TMEM108: variants seen among roughly 807,000 people sequenced by gnomAD.
TMEM108 encodes cancer/testis antigen 124.
A neutral mutation model predicts 35.1 loss-of-function variants in TMEM108; 12 were observed. The observed-to-expected ratio is 0.34, with a 90% CI of 0.22 to 0.55. The LOEUF (loss-of-function observed/expected upper bound fraction) is 0.55. Among genes scored for constraint, TMEM108 ranks in the 20% least tolerant of loss-of-function variants. TMEM108 has a pLI of 0.89. For missense variants in TMEM108, 680 were observed against 753.3 expected (o/e 0.90, Z 1.14); for synonymous variants, 287 against 308.6 (o/e 0.93, Z 0.73).
intron 3 of TMEM108, among the ~76,000 whole-genome samples, chr3:133,301,099 G>A (rs77760379): frequency 0.04 from 6,113 of 151,770 alleles, 384 homozygotes; most frequent in African/African-American, 0.13. Context: ...TTCACAGAGC[G>A]TGTAAGGAAC....
At chr3:133,138,109 A>G (rs1055229315) in intron 2 of TMEM108, among the ~76,000 whole-genome samples, 1 of 152,212 alleles carries the variant, frequency 6.6e-6, no homozygotes, top group Non-Finnish European at 1.5e-5. Context: ...GGACTTGTAG[A>G]TACCCAGCCA....
intron 3 of TMEM108, among the ~76,000 whole-genome samples, chr3:133,255,026 TG>T (rs1325750215): frequency 6.6e-6 from 1 of 152,218 alleles, no homozygotes; most frequent in East Asian, 1.9e-4. Flanking sequence ...GTATGTTAAT[TG>T]GTTCCCAGGG....
intron 2 of TMEM108, among the ~76,000 whole-genome samples, chr3:133,093,558 A>G (rs549358144): frequency 3.4e-4 from 52 of 152,294 alleles, no homozygotes; most frequent in African/African-American, 1.2e-3. Context: ...ATCTTCCATA[A>G]AAATAGAAGC....
Position 133,346,519 on chromosome 3 carries a change from TATTAA to T in TMEM108, c.41-33229_41-33225del, listed in dbSNP as rs2107758839. 6.6e-6 allele frequency among the ~76,000 whole-genome samples: 1 copy of T among 152,184 alleles called. No homozygotes were observed. The highest frequency in any genetic ancestry group is 1.9e-4 in the East Asian group (1 of 5,188). On this transcript the variant is annotated intron_variant, in intron 3 of 5. Transcript: ENST00000321871. The surrounding 1 kb of genome is among the most constrained non-coding windows in gnomAD (Gnocchi z 4.0). Reference sequence around the variant, plus strand: ...CCCAATTTTTAATTGAATTTTCTTATATTAAATTTTAAGAGAGATTTGTATATTTT... The same window carrying T: ...CCCAATTTTTAATTGAATTTTCTTATATTTTAAGAGAGATTTGTATATTTT...
intron 2 of TMEM108, among the ~76,000 whole-genome samples, chr3:133,110,139 A>G (rs772229123): frequency 7.9e-5 from 12 of 152,134 alleles, no homozygotes; most frequent in Non-Finnish European, 1.6e-4. Context: ...AATCAGATGA[A>G]CAAGCAGACA....
At chr3:133,195,738 G>A (rs1945566067) in intron 2 of TMEM108, among the ~76,000 whole-genome samples, 1 of 152,216 alleles carries the variant, frequency 6.6e-6, no homozygotes, top group Non-Finnish European at 1.5e-5. Context: ...CCAGGAAGCA[G>A]TGTTGTTATG....
chr3:133,162,229 AG>A (rs1388305139), intron 2 of TMEM108, among the ~76,000 whole-genome samples: 56 of 152,240 alleles, frequency 3.7e-4, no homozygotes, highest in Non-Finnish European at 1.5e-5. Flanking sequence ...CCAGAATAGA[AG>A]GAGATCTCTA....
chr3:133,306,731 T>C (rs1018480074), intron 3 of TMEM108, among the ~76,000 whole-genome samples: 6 of 152,156 alleles, frequency 3.9e-5, no homozygotes, highest in Admixed American at 3.3e-4. Flanking sequence ...TATTCCATGG[T>C]GTATATGTGC....
intron 3 of TMEM108, among the ~76,000 whole-genome samples, chr3:133,262,489 T>C (rs1002156427): frequency 1.2e-4 from 18 of 152,222 alleles, no homozygotes; most frequent in African/African-American, 4.3e-4. Context: ...TACCAGACGT[T>C]ACCATAGTGA....
chr3:133,263,836 C>G (rs560300024), intron 3 of TMEM108, among the ~76,000 whole-genome samples: 5 of 152,276 alleles, frequency 3.3e-5, no homozygotes, highest in African/African-American at 1.2e-4. Flanking sequence ...ACATCCAGTT[C>G]AGAAATAATT....
intron 3 of TMEM108, among the ~76,000 whole-genome samples, chr3:133,351,573 A>G (rs1378850472): frequency 6.6e-6 from 1 of 152,136 alleles, no homozygotes; most frequent in Non-Finnish European, 1.5e-5. Context: ...GGATGAGATG[A>G]TGATACTCTA....
intron 2 of TMEM108, among the ~76,000 whole-genome samples, chr3:133,157,313 A>G (rs1040324679): frequency 2.0e-5 from 3 of 152,222 alleles, no homozygotes; most frequent in African/African-American, 7.2e-5. Context: ...TCTATTTTTC[A>G]AAAGTTTAAT....
intron 2 of TMEM108, among the ~76,000 whole-genome samples, chr3:133,063,711 T>C (rs751358084): frequency 1.2e-4 from 18 of 152,098 alleles, no homozygotes; most frequent in Non-Finnish European, 2.2e-4. Context: ...CCCAAGGCTA[T>C]TGATTTATAG....
At chr3:133,164,654 A>G (rs909480617) in intron 2 of TMEM108, among the ~76,000 whole-genome samples, 1 of 152,144 alleles carries the variant, frequency 6.6e-6, no homozygotes, top group Non-Finnish European at 1.5e-5. Context: ...GGCACTGCTG[A>G]CACAGTGGTG....
intron 2 of TMEM108, among the ~76,000 whole-genome samples, chr3:133,197,212 A>T (rs1945591369): frequency 1.3e-5 from 2 of 152,190 alleles, no homozygotes; most frequent in Non-Finnish European, 2.9e-5. Context: ...AATAGGAAAC[A>T]TTTTAGTACA....
intron 2 of TMEM108, among the ~76,000 whole-genome samples, chr3:133,085,612 A>G (rs1198725655): frequency 2.0e-5 from 3 of 152,182 alleles, no homozygotes; most frequent in African/African-American, 7.2e-5. Flanking sequence ...TTTGGCCACC[A>G]GAAGCCTCTT....
At chr3:133,047,381 T>A (rs1236524765) in intron 2 of TMEM108, among the ~76,000 whole-genome samples, 1 of 152,244 alleles carries the variant, frequency 6.6e-6, no homozygotes, top group African/African-American at 2.4e-5. Context: ...ACTTGGCTGG[T>A]ATGTTGCTGT....
intron 2 of TMEM108, among the ~76,000 whole-genome samples, chr3:133,057,445 A>ATATATATATATATATGTGTG (rs1943481709): frequency 4.4e-5 from 1 of 22,490 alleles, no homozygotes; most frequent in Non-Finnish European, 1.0e-4. Context: ...GTATATATAT[A>ATATATATATATATATGTGTG]TATATATATA....
intron 5 of TMEM108, among the ~76,000 whole-genome samples, chr3:133,393,615 T>C (rs1301010514): frequency 6.6e-6 from 1 of 152,238 alleles, no homozygotes; most frequent in African/African-American, 2.4e-5. Flanking sequence ...CATTGACCTT[T>C]AGTGTGGCCT....
Sources: gnomAD v4.1 joint callset for allele counts (sites outside exome capture counted in the v4.1 genomes callset) on GRCh38, gnomAD v4.1.1 for gene constraint, Gnocchi (gnomAD v3.1) non-coding constraint, MANE v1.5 for transcripts, NCBI Gene and HGNC (gene_info 2026-07-23, HGNC 2026-07-21) for gene names.